The following ACACA variants were observed in gnomAD, a reference collection of about 807,000 sequenced individuals.
ACACA encodes the protein acetyl-CoA carboxylase 1.
A neutral mutation model predicts 296.1 loss-of-function variants in ACACA; 103 were observed. The observed-to-expected ratio is 0.35, with a 90% CI of 0.30 to 0.41. ACACA has a LOEUF of 0.41. ACACA is among the 10% of genes least tolerant of loss of function. The pLI is 1.00. For missense variants in ACACA, 1,554 were observed against 2,989.7 expected (o/e 0.52, Z 11.20); for synonymous variants, 953 against 1,038.6 (o/e 0.92, Z 1.58).
intron 1 of ACACA, chr17:37,379,425 T>C: frequency 6.3e-7 from 1 of 1,587,320 alleles, no homozygotes; most frequent in African/African-American, 1.3e-5. Flanking sequence ...TAACTTTTAG[T>C]TGACATCCTT....
At chr17:37,255,124 C>T (rs747871266) in intron 14 of ACACA, among the ~76,000 whole-genome samples, 57 of 151,686 alleles carry the variant, frequency 3.8e-4, no homozygotes, top group Middle Eastern at 3.4e-3. Flanking sequence ...GAAAATACAG[C>T]TTGAGTTCAG....
At chr17:37,365,627 T>C in intron 1 of ACACA, 2 of 985,456 alleles carry the variant, frequency 2.0e-6, no homozygotes, top group Non-Finnish European at 2.4e-6. Flanking sequence ...AAAGTCCTTA[T>C]CTGAATACTA....
intron 1 of ACACA, among the ~76,000 whole-genome samples, chr17:37,372,911 C>T (rs1010154637): frequency 4.0e-5 from 6 of 150,870 alleles, no homozygotes; most frequent in African/African-American, 1.5e-4. Context: ...GATGGAGTCT[C>T]GCACTGTCAC....
chr17:37,130,702 C>T (rs1242369262), intron 45 of ACACA, among the ~76,000 whole-genome samples: 1 of 152,122 alleles, frequency 6.6e-6, no homozygotes, highest in Non-Finnish European at 1.5e-5. Flanking sequence ...ATACTTCCAC[C>T]CTCAGCTGAA....
chr17:37,244,323 G>C (rs2080580709), intron 21 of ACACA, among the ~76,000 whole-genome samples: 1 of 151,824 alleles, frequency 6.6e-6, no homozygotes, highest in East Asian at 1.9e-4. Context: ...CTGAGTTTGT[G>C]CCATTGCACT....
chr17:37,392,621 T>C (rs1467636260), intron 1 of ACACA: 1 of 152,028 alleles, frequency 6.6e-6, no homozygotes, highest in Non-Finnish European at 1.5e-5. Context: ...TTTGGTGAAA[T>C]GTGTCTGTTT....
intron 3 of ACACA, among the ~76,000 whole-genome samples, chr17:37,295,193 G>A (rs1042170474): frequency 1.3e-5 from 2 of 152,196 alleles, no homozygotes; most frequent in Non-Finnish European, 2.9e-5. Flanking sequence ...AGATAGAAAG[G>A]AGTCCTTCAG....
chr17:37,364,301 A>C (rs1441601666), intron 1 of ACACA, among the ~76,000 whole-genome samples: 1 of 151,938 alleles, frequency 6.6e-6, no homozygotes, highest in Non-Finnish European at 1.5e-5. Context: ...CATCTCAAAA[A>C]AAAGAAAAGA....
chr17:37,318,758 T>G (rs2047209720), intron 3 of ACACA, among the ~76,000 whole-genome samples: 1 of 152,158 alleles, frequency 6.6e-6, no homozygotes, highest in Admixed American at 6.6e-5. Context: ...ATTTTACTAT[T>G]CCAAAAGTTT....
Position 37,192,266 on chromosome 17 carries a change from G to T in ACACA, c.4240C>A (p.Leu1414Met). The change falls in exon 37 of 56, where the codon CTG becomes ATG. Residue 1414 changes from leucine to methionine, a missense_variant. This residue lies in a region of ACACA where 179 missense variants were observed against 283.2 expected (regional missense o/e 0.63). Transcript: ENST00000616317. ...DRIYRHLEPALAFQLELNRMR... is the reference protein window; with the variant it reads ...DRIYRHLEPAMAFQLELNRMR... ...CGGTTCAGCTCTAACTGGAAAGCCA[G>T]AGCAGGCTCCAGATGACGATAGATA... 2 of 1,614,072 alleles carry T rather than the reference G, an allele frequency of 1.2e-6. No individual in the cohort carries two copies. Among genetic ancestry groups the T allele is most frequent in the Non-Finnish European group, 1.7e-6 (2 of 1,180,018 alleles).
intron 41 of ACACA, among the ~76,000 whole-genome samples, chr17:37,177,115 T>A (rs1055242009): frequency 7.9e-5 from 12 of 152,120 alleles, no homozygotes; most frequent in Admixed American, 6.6e-4. Context: ...TCAAAACTAT[T>A]AAAGCACTGG....
At chr17:37,158,312 G>C (rs1183124488) in intron 42 of ACACA, among the ~76,000 whole-genome samples, 3 of 152,112 alleles carry the variant, frequency 2.0e-5, no homozygotes, top group Non-Finnish European at 4.4e-5. Flanking sequence ...TTATCAGCTT[G>C]TACATGAAAC....
intron 33 of ACACA, among the ~76,000 whole-genome samples, chr17:37,202,960 T>C (rs907897458): frequency 5.1e-5 from 7 of 136,310 alleles, no homozygotes; most frequent in Admixed American, 4.6e-4. Flanking sequence ...ATGAAGAAAA[T>C]GCTTTTTTTT....
At chr17:37,340,206 T>C (rs577818049) in intron 1 of ACACA, among the ~76,000 whole-genome samples, 1 of 152,346 alleles carries the variant, frequency 6.6e-6, no homozygotes, top group South Asian at 2.1e-4. Context: ...CTAGATTCTC[T>C]ACAATTCACT....
At chr17:37,389,546 G>A (rs1257511924) in intron 1 of ACACA, among the ~76,000 whole-genome samples, 1 of 151,994 alleles carries the variant, frequency 6.6e-6, no homozygotes, top group Non-Finnish European at 1.5e-5. Flanking sequence ...ACAAAAATTA[G>A]CCAGGTGGCA....
chr17:37,309,920 G>C (rs981247191), intron 3 of ACACA, among the ~76,000 whole-genome samples: 7 of 151,886 alleles, frequency 4.6e-5, no homozygotes, highest in Non-Finnish European at 2.9e-5. Flanking sequence ...AAGCAGGGTG[G>C]CATGCACCTA....
intron 3 of ACACA, among the ~76,000 whole-genome samples, chr17:37,315,320 T>A (rs2047039313): frequency 6.6e-6 from 1 of 152,228 alleles, no homozygotes; most frequent in Admixed American, 6.5e-5. Context: ...TTGTTTTCCA[T>A]TTTACAGATG....
At chr17:37,226,506 G>T (rs1482846873) in intron 25 of ACACA, 54 bp from the exon 26 acceptor site, 4 of 1,427,612 alleles carry the variant, frequency 2.8e-6, no homozygotes, top group Non-Finnish European at 4.0e-6. Flanking sequence ...AGAACAGGTG[G>T]ATAGGATTTT....
chr17:37,221,933 G>T, intron 28 of ACACA, 91 bp from the exon 29 acceptor site: 1 of 1,083,530 alleles, frequency 9.2e-7, no homozygotes, highest in Non-Finnish European at 1.4e-6. Flanking sequence ...AGGTATCTGA[G>T]GCAGAAGGTG....
Sources: allele counts gnomAD v4.1 joint callset (sites outside exome capture counted in the v4.1 genomes callset), GRCh38; gene constraint gnomAD v4.1.1; regional missense constraint gnomAD v4.1.1; transcripts MANE v1.5; gene names NCBI Gene and HGNC (gene_info 2026-07-23, HGNC 2026-07-21).